The following RTL4 variants were observed in gnomAD, a reference collection of about 807,000 sequenced individuals.
RTL4 encodes retrotransposon Gag-like protein 4.
Under a neutral mutation model 5.3 loss-of-function variants are expected in RTL4, and 4 were observed. That is an observed-to-expected ratio of 0.75 (90% CI 0.37 to 1.72). RTL4 has a LOEUF of 1.72. Among genes scored for constraint, RTL4 ranks in the 40% most tolerant of loss-of-function variants. The pLI is 0.04. For missense variants in RTL4, 260 were observed against 227.1 expected, an observed-to-expected ratio of 1.14 and a Z score of -0.93; for synonymous variants, 98 against 87.3, an observed-to-expected ratio of 1.12 and a Z score of -0.68.
At chrX:112,397,010 T>C in the RTL4 span, among the ~76,000 whole-genome samples, 1 of 112,034 alleles carries the variant, frequency 8.9e-6, no homozygotes, top group Middle Eastern at 4.6e-3. Context: ...TACAATCACC[T>C]AGACAAAACA....
the RTL4 span, among the ~76,000 whole-genome samples, chrX:112,263,241 G>A: frequency 1.8e-5 from 2 of 109,885 alleles, no homozygotes; most frequent in Admixed American, 9.7e-5. Context: ...TAAATGCAGT[G>A]GTAGAGAGAA....
chrX:112,130,969 G>GTTTTTTTTTTTTTTT, the RTL4 span, among the ~76,000 whole-genome samples: 1 of 105,020 alleles, frequency 9.5e-6, no homozygotes, highest in African/African-American at 3.7e-5. Flanking sequence ...AATTTTTTTT[G>GTTTTTTTTTTTTTTT]TATTTTTTTT....
the RTL4 span, among the ~76,000 whole-genome samples, chrX:112,285,793 C>T: frequency 9.0e-6 from 1 of 111,169 alleles, no homozygotes; most frequent in African/African-American, 3.3e-5. Flanking sequence ...TACTATGTAG[C>T]TTCTTACTGG....
At chrX:112,375,603 T>C in the RTL4 span, among the ~76,000 whole-genome samples, 1 of 111,333 alleles carries the variant, frequency 9.0e-6, no homozygotes, top group East Asian at 2.8e-4. Context: ...TGTGGGTAAA[T>C]TAACACTGTT....
chrX:112,146,345 G>C, the RTL4 span, among the ~76,000 whole-genome samples: 1 of 110,931 alleles, frequency 9.0e-6, no homozygotes, highest in African/African-American at 3.3e-5. Context: ...GAAAAAATTT[G>C]GGAGGGAAAT....
chrX:112,381,599 CGAA>C, the RTL4 span: 1 of 1,191,281 alleles, frequency 8.4e-7, no homozygotes, highest in Middle Eastern at 2.3e-4. Flanking sequence ...AGAGATTGAG[CGAA>C]GAAGACAAGA....
the RTL4 span, among the ~76,000 whole-genome samples, chrX:112,439,201 TGG>T: frequency 4.5e-5 from 5 of 111,454 alleles, no homozygotes; most frequent in Non-Finnish European, 7.5e-5. Context: ...GTAGGGTATA[TGG>T]GGAGCTGGAA....
chrX:112,198,180 T>A, the RTL4 span, among the ~76,000 whole-genome samples: 1 of 111,678 alleles, frequency 9.0e-6, no homozygotes, highest in African/African-American at 3.3e-5. Context: ...CATGCATAGA[T>A]AAATGGTACA....
chrX:112,391,789 C>G, the RTL4 span, among the ~76,000 whole-genome samples: 3 of 110,910 alleles, frequency 2.7e-5, no homozygotes, highest in African/African-American at 9.9e-5. Context: ...TCCTGGGCTG[C>G]CCACTGCAGC....
At chrX:112,314,622 G>A in the RTL4 span, among the ~76,000 whole-genome samples, 11 of 108,718 alleles carry the variant, frequency 1.0e-4, no homozygotes, top group South Asian at 3.8e-4. Context: ...ATATGAAAAT[G>A]CTTAAATGAT....
chrX:112,244,601 A>G, the RTL4 span, among the ~76,000 whole-genome samples: 1 of 111,474 alleles, frequency 9.0e-6, no homozygotes, highest in Non-Finnish European at 1.9e-5. Context: ...TGTACGTGAA[A>G]TGGGTCTCCT....
the RTL4 span, among the ~76,000 whole-genome samples, chrX:112,109,708 C>T: frequency 9.0e-6 from 1 of 111,330 alleles, no homozygotes; most frequent in Non-Finnish European, 1.9e-5. Flanking sequence ...AAAATTTTTC[C>T]AAGTCCCCAC....
the RTL4 span, among the ~76,000 whole-genome samples, chrX:112,113,728 AG>A: frequency 8.9e-6 from 1 of 111,950 alleles, no homozygotes; most frequent in South Asian, 3.7e-4. Context: ...ATAGTGGGCA[AG>A]GGCAAGGGGG....
At chrX:112,196,744 C>A in the RTL4 span, among the ~76,000 whole-genome samples, 4 of 111,412 alleles carry the variant, frequency 3.6e-5, no homozygotes, top group Non-Finnish European at 7.5e-5. Context: ...CATTAAACAT[C>A]TTTTCATGAA....
At chrX:112,203,179 C>G in the RTL4 span, among the ~76,000 whole-genome samples, 6 of 110,289 alleles carry the variant, frequency 5.4e-5, no homozygotes, top group African/African-American at 2.0e-4. Flanking sequence ...ATAGGGGTTG[C>G]GAATATTTTC....
At chrX:112,285,338 A>G in the RTL4 span, among the ~76,000 whole-genome samples, 1 of 112,245 alleles carries the variant, frequency 8.9e-6, no homozygotes, top group Non-Finnish European at 1.9e-5. Flanking sequence ...TAACAGTTGT[A>G]TTAATAGATT....
chrX:112,110,853 G>C, the RTL4 span, among the ~76,000 whole-genome samples: 16 of 111,521 alleles, frequency 1.4e-4, no homozygotes, highest in Non-Finnish European at 2.4e-4. Context: ...ACCATCTATC[G>C]TTCTGTCCTG....
chrX:112,135,300 CT>C, the RTL4 span, among the ~76,000 whole-genome samples: 1 of 111,761 alleles, frequency 8.9e-6, no homozygotes, highest in African/African-American at 3.2e-5. Flanking sequence ...TCCTTAATGA[CT>C]AATGATGTTA....
chrX:112,327,980 C>G, the RTL4 span, among the ~76,000 whole-genome samples: 1 of 106,813 alleles, frequency 9.4e-6, no homozygotes, highest in East Asian at 2.9e-4. Context: ...ACCACCAGGC[C>G]TGCCCTAAAA....
Sources: allele counts gnomAD v4.1 joint callset (sites outside exome capture counted in the v4.1 genomes callset), GRCh38; gene constraint gnomAD v4.1.1; transcripts MANE v1.5; gene names NCBI Gene and HGNC (gene_info 2026-07-23, HGNC 2026-07-21).